Variants in CAST observed in about 807,000 individuals in gnomAD.
CAST encodes the protein MIR583 host.
In CAST, 76 loss-of-function variants were observed where a neutral mutation model predicts 119.6. The ratio of observed to expected loss-of-function variants is 0.64; its 90% CI spans 0.53 to 0.77. The LOEUF is 0.77. CAST is among the 30% of genes least tolerant of loss of function. CAST has a pLI of 0.00. For synonymous variants in CAST, 319 were observed against 331.6 expected (o/e 0.96, Z 0.41); for missense variants, 953 against 946.5 (o/e 1.01, Z -0.09).
the CAST span, among the ~76,000 whole-genome samples, chr5:95,978,605 C>T: frequency 6.6e-6 from 1 of 151,830 alleles, no homozygotes; most frequent in Admixed American, 6.6e-5. Flanking sequence ...TGTCTGTTTA[C>T]TCTATTGATA....
chr5:96,735,932 T>C (rs554043479), intron 9 of CAST, among the ~76,000 whole-genome samples: 1 of 152,336 alleles, frequency 6.6e-6, no homozygotes, highest in South Asian at 2.1e-4. Flanking sequence ...TGTCCCTTAC[T>C]GTGTAACCTG....
At chr5:96,362,002 G>T in the CAST span, among the ~76,000 whole-genome samples, 1 of 151,782 alleles carries the variant, frequency 6.6e-6, no homozygotes, top group African/African-American at 2.4e-5. Flanking sequence ...CCCCACGACA[G>T]GCCCCGGTGT....
chr5:96,238,560 T>C, the CAST span, among the ~76,000 whole-genome samples: 2 of 150,578 alleles, frequency 1.3e-5, no homozygotes, highest in African/African-American at 4.9e-5. Flanking sequence ...GCTAATTTTT[T>C]TTTTTTTTTT....
At chr5:96,400,422 C>CT in the CAST span, among the ~76,000 whole-genome samples, 1 of 152,186 alleles carries the variant, frequency 6.6e-6, no homozygotes, top group African/African-American at 2.4e-5. Context: ...AGCATATAAG[C>CT]TTTTACTATG....
chr5:96,646,278 C>G (rs1748013651), intron 1 of CAST, among the ~76,000 whole-genome samples: 1 of 152,188 alleles, frequency 6.6e-6, no homozygotes, highest in Non-Finnish European at 1.5e-5. Context: ...ATTTCTCTAA[C>G]AAATATACTT....
chr5:96,174,529 A>T, the CAST span, among the ~76,000 whole-genome samples: 1 of 152,246 alleles, frequency 6.6e-6, no homozygotes, highest in Non-Finnish European at 1.5e-5. Flanking sequence ...TAGTTGGATG[A>T]TAAAGGTTTA....
the CAST span, among the ~76,000 whole-genome samples, chr5:96,303,116 G>A: frequency 5.3e-5 from 8 of 152,168 alleles, no homozygotes; most frequent in African/African-American, 9.7e-5. Context: ...AAATCATGGC[G>A]GAAGGTGAAG....
the CAST span, among the ~76,000 whole-genome samples, chr5:96,245,894 T>C: frequency 2.0e-5 from 3 of 152,274 alleles, no homozygotes; most frequent in African/African-American, 7.2e-5. Context: ...ACTGGTCTTA[T>C]ATGGGAGAAT....
the CAST span, among the ~76,000 whole-genome samples, chr5:96,199,228 C>T: frequency 6.6e-6 from 1 of 152,016 alleles, no homozygotes; most frequent in Non-Finnish European, 1.5e-5. Flanking sequence ...TATATCTCAT[C>T]ATTTTATTTT....
chr5:96,598,904 G>A (rs1200340776), intron 1 of CAST, among the ~76,000 whole-genome samples: 1 of 152,134 alleles, frequency 6.6e-6, no homozygotes, highest in African/African-American at 2.4e-5. Context: ...CCTGCCTTTG[G>A]ACTCAAACTG....
At position 96,631,536 on chromosome 5, in the gene CAST, G is replaced by A. The variant is rs1406097189; in HGVS notation, c.61-44003G>A. On this transcript the variant is annotated intron_variant, in intron 1 of 11. Coordinates refer to the CAST transcript ENST00000505143. ...TAGGTTACTTTCACTTTTGGCTATT[G>A]TGAATAATGCTGCTGTGAACGTTTG... Among the ~76,000 whole-genome samples the A allele has an allele frequency of 2.2e-5, 3 of 138,010 alleles. 1 individual carries two copies. Among genetic ancestry groups the A allele is most frequent in the Non-Finnish European group, 3.2e-5 (2 of 61,822 alleles). The allele number at this position is 138,010 out of a possible 152,430, so 90.5% of individuals were successfully genotyped here.
the CAST span, among the ~76,000 whole-genome samples, chr5:96,449,801 C>T: frequency 2.2e-4 from 34 of 152,268 alleles, no homozygotes; most frequent in African/African-American, 7.9e-4. Flanking sequence ...ACAGGACTCT[C>T]TTTATGTCTG....
chr5:96,558,429 T>G (rs553484303), intron 1 of CAST, among the ~76,000 whole-genome samples: 1 of 152,096 alleles, frequency 6.6e-6, no homozygotes, highest in South Asian at 2.1e-4. Flanking sequence ...GCTGGTTTTT[T>G]GAAAAGATCA....
chr5:96,482,596 G>T, the CAST span, among the ~76,000 whole-genome samples: 1 of 151,736 alleles, frequency 6.6e-6, no homozygotes, highest in African/African-American at 2.4e-5. Context: ...AAAATATTTT[G>T]CAATGAAGAA....
chr5:96,498,604 A>C, the CAST span, among the ~76,000 whole-genome samples: 2 of 152,230 alleles, frequency 1.3e-5, no homozygotes, highest in Non-Finnish European at 2.9e-5. Flanking sequence ...ATAAAGTAGC[A>C]GTGTGTAATA....
chr5:96,533,032 AAAAAAT>A (rs35308858), intron 1 of CAST, among the ~76,000 whole-genome samples: 43,510 of 146,964 alleles, frequency 0.3, 6,615 homozygotes, highest in Middle Eastern at 0.4. Context: ...CTCAAAAAAA[AAAAAAT>A]AAAAATAAAA....
the CAST span, among the ~76,000 whole-genome samples, chr5:96,177,420 A>G: frequency 6.6e-6 from 1 of 152,230 alleles, no homozygotes. Flanking sequence ...TACAGGAACC[A>G]ATCCAGAAGC....
intron 25 of CAST, chr5:96,763,022 G>A (rs1768540299): frequency 1.4e-6 from 1 of 696,824 alleles, no homozygotes; most frequent in Admixed American, 2.0e-5. Flanking sequence ...GGAGACCACA[G>A]CACATCAAAT....
the CAST span, among the ~76,000 whole-genome samples, chr5:96,288,859 A>T: frequency 1.3e-5 from 2 of 152,224 alleles, no homozygotes; most frequent in South Asian, 4.2e-4. Context: ...CTGCAACTAG[A>T]TGAGGTTGAG....
Sources: gnomAD v4.1 joint callset for allele counts (sites outside exome capture counted in the v4.1 genomes callset) on GRCh38, gnomAD v4.1.1 for gene constraint, MANE v1.5 for transcripts, NCBI Gene and HGNC (gene_info 2026-07-23, HGNC 2026-07-21) for gene names.